RYR3: variants seen among roughly 807,000 people sequenced by gnomAD.
RYR3 encodes the protein brain ryanodine receptor-calcium release channel.
Under a neutral mutation model 584.3 loss-of-function variants are expected in RYR3, and 207 were observed. The observed-to-expected ratio is 0.35, with a 90% confidence interval of 0.32 to 0.40. The LOEUF is 0.40. Among genes scored for constraint, RYR3 ranks in the 10% least tolerant of loss-of-function variants. The pLI is 1.00. For missense variants in RYR3, 5,616 were observed against 6,089.2 expected (o/e 0.92, Z 2.59); for synonymous variants, 2,416 against 2,248.5 (o/e 1.07, Z -2.11).
intron 1 of RYR3, among the ~76,000 whole-genome samples, chr15:33,357,464 T>C (rs1319726712): frequency 6.6e-6 from 1 of 152,194 alleles, no homozygotes; most frequent in East Asian, 1.9e-4. Context: ...TCTTACATTT[T>C]AGAATTTTTC....
chr15:33,862,849 G>A (rs912705876), intron 102 of RYR3, among the ~76,000 whole-genome samples: 19 of 152,078 alleles, frequency 1.2e-4, no homozygotes, highest in African/African-American at 4.6e-4. Flanking sequence ...GACCTGAAGT[G>A]ATCCACCTGC....
chr15:33,704,434 T>C (rs2066539279), intron 42 of RYR3, among the ~76,000 whole-genome samples: 1 of 152,222 alleles, frequency 6.6e-6, no homozygotes, highest in Non-Finnish European at 1.5e-5. Context: ...CTCCAGGCTC[T>C]GTAGGCCTGT....
intron 1 of RYR3, among the ~76,000 whole-genome samples, chr15:33,391,823 C>T (rs1179708286): frequency 1.3e-5 from 2 of 151,964 alleles, no homozygotes; most frequent in Non-Finnish European, 2.9e-5. Context: ...AGGACTCTTC[C>T]ACAATGCTTC....
At chr15:33,608,001 A>G (rs2059991627) in intron 18 of RYR3, among the ~76,000 whole-genome samples, 1 of 152,246 alleles carries the variant, frequency 6.6e-6, no homozygotes, top group Non-Finnish European at 1.5e-5. Flanking sequence ...TAAGTGACAG[A>G]GCCAGAACTA....
At chr15:33,781,741 A>G (rs748049594) in intron 65 of RYR3, among the ~76,000 whole-genome samples, 5 of 151,622 alleles carry the variant, frequency 3.3e-5, no homozygotes, top group Non-Finnish European at 7.4e-5. Flanking sequence ...CAAGAGAAAC[A>G]TTGCCAAGAT....
In RYR3 at chr15:33,412,865, G is replaced by A. The variant is rs1267942815; in HGVS notation, c.52-60554G>A. 6.6e-6 allele frequency among the ~76,000 whole-genome samples: 1 copy of A among 152,202 alleles called. No individual in the cohort carries two copies. Among genetic ancestry groups the A allele is most frequent in the Non-Finnish European group, 1.5e-5 (1 of 68,036 alleles). On this transcript the variant is annotated intron_variant, in intron 1 of 103. Transcript: ENST00000634891. The surrounding 1 kb of genome is among the most constrained non-coding windows in gnomAD (Gnocchi z 4.3). ...GTCATGCAAAGGAGGAGGAAAACCA[G>A]TCTTCCTGGGGGAAGGCAGCTGGGG...
intron 1 of RYR3, among the ~76,000 whole-genome samples, chr15:33,332,776 A>G (rs577583480): frequency 7.9e-5 from 12 of 152,260 alleles, no homozygotes; most frequent in South Asian, 4.2e-4. Flanking sequence ...TGAAAATACC[A>G]TATAGCAAAA....
chr15:33,788,032 C>T (rs1481424426), intron 66 of RYR3, among the ~76,000 whole-genome samples, 186 bp from the exon 67 acceptor site: 1 of 152,182 alleles, frequency 6.6e-6, no homozygotes, highest in Non-Finnish European at 1.5e-5. Context: ...ATAGTGGCCT[C>T]GGTTCCCCAT....
intron 1 of RYR3, among the ~76,000 whole-genome samples, chr15:33,455,844 C>T (rs2047512163): frequency 6.6e-6 from 1 of 152,132 alleles, no homozygotes; most frequent in Non-Finnish European, 1.5e-5. Context: ...CCACACTAAA[C>T]ATAATGGAGG....
At chr15:33,533,834 A>T (rs2055087445) in intron 5 of RYR3, among the ~76,000 whole-genome samples, 1 of 152,210 alleles carries the variant, frequency 6.6e-6, no homozygotes, top group Non-Finnish European at 1.5e-5. Flanking sequence ...AATGTTATTG[A>T]CATCTATAAT....
intron 38 of RYR3, among the ~76,000 whole-genome samples, chr15:33,675,715 T>A (rs747386674): frequency 2.6e-5 from 4 of 152,224 alleles, no homozygotes; most frequent in Non-Finnish European, 1.5e-5. Flanking sequence ...ATTGCTTAAA[T>A]GTGTGTCTGG....
intron 90 of RYR3, among the ~76,000 whole-genome samples, chr15:33,841,127 G>A (rs2078336712): frequency 6.6e-6 from 1 of 152,104 alleles, no homozygotes; most frequent in Non-Finnish European, 1.5e-5. Flanking sequence ...TGAGGTGGGA[G>A]GATTGCTTGA....
intron 86 of RYR3, among the ~76,000 whole-genome samples, chr15:33,831,880 G>C (rs1246396852): frequency 6.6e-6 from 1 of 151,908 alleles, no homozygotes. Flanking sequence ...TCATCAAAAC[G>C]CTCAGTTTGT....
At position 33,837,068 on chromosome 15, in the gene RYR3, C is replaced by T. The variant is rs745809716; in HGVS notation, c.11650+81C>T. ...AACCTTACTGATCATGCAGATTATC[C>T]TTCTGGCAGGTCACTGATGCCATAT... On this transcript the variant is annotated intron_variant, in intron 88 of 103. Coordinates refer to ENST00000634891, the MANE Select transcript of RYR3 (RefSeq NM_001036.6). 6.0e-6 allele frequency: 7 copies of T among 1,165,070 alleles called. No homozygotes were observed. The Admixed American group carries it at 8.0e-5, about 13-fold the overall frequency. The allele number at this position is 1,165,070 out of a possible 1,614,324, so 72.2% of individuals were successfully genotyped here.
chr15:33,601,411 T>G lies in RYR3; in HGVS notation c.1789-8T>G, dbSNP rs2059654103. On this transcript the variant is annotated splice_region_variant and splice_polypyrimidine_tract_variant and intron_variant, in intron 16 of 103. Coordinates refer to ENST00000634891, the MANE Select transcript of RYR3 (RefSeq NM_001036.6). ...GTCCTAAGGTTTGGTGGGTGTGTCC[T>G]GCTGCAGGTTCTGGATATCCTGTGC... 6.2e-7 allele frequency: 1 copy of G among 1,611,496 alleles called. No homozygotes were observed. Among genetic ancestry groups the G allele is most frequent in the South Asian group, 1.1e-5 (1 of 90,296 alleles).
intron 16 of RYR3, among the ~76,000 whole-genome samples, chr15:33,599,351 C>T (rs564469674): frequency 4.6e-5 from 7 of 152,136 alleles, no homozygotes; most frequent in Non-Finnish European, 8.8e-5. Context: ...GCTCGTGACA[C>T]AGCCTCATTA....
At position 33,466,851 on chromosome 15, in the gene RYR3, T is replaced by G. The variant is rs182243949; in HGVS notation, c.52-6568T>G. Among the ~76,000 whole-genome samples, 9 of 152,340 alleles carry G rather than the reference T, an allele frequency of 5.9e-5. No homozygotes were observed. The East Asian group carries it at 1.7e-3, about 29-fold the overall frequency. On this transcript the variant is annotated intron_variant, in intron 1 of 103. Coordinates refer to ENST00000634891, the MANE Select transcript of RYR3 (RefSeq NM_001036.6). ...TTTTCCATTCAGTTCCAGGTAGTAT[T>G]TTAGGCACTGAAGATTCATAGACAA...
intron 16 of RYR3, among the ~76,000 whole-genome samples, chr15:33,594,166 A>G (rs1002096909): frequency 6.6e-6 from 1 of 152,208 alleles, no homozygotes; most frequent in African/African-American, 2.4e-5. Context: ...ATATGAGGCC[A>G]TTTGTTCCAA....
chr15:33,413,440 C>T (rs1026642241), intron 1 of RYR3, among the ~76,000 whole-genome samples: 1 of 152,242 alleles, frequency 6.6e-6, no homozygotes, highest in Non-Finnish European at 1.5e-5. Flanking sequence ...GGAGAGCAAA[C>T]AAGACAGTCC....
Sources: gnomAD v4.1 joint callset for allele counts (sites outside exome capture counted in the v4.1 genomes callset) on GRCh38, gnomAD v4.1.1 for gene constraint, Gnocchi (gnomAD v3.1) non-coding constraint, MANE v1.5 for transcripts, NCBI Gene and HGNC (gene_info 2026-07-23, HGNC 2026-07-21) for gene names.